UNC5B: variants seen among roughly 807,000 people sequenced by gnomAD.
The protein encoded by UNC5B is netrin receptor UNC5B.
UNC5B carries 56 observed loss-of-function variants against 103.7 expected under a neutral mutation model. The ratio of observed to expected loss-of-function variants is 0.54; its 90% CI spans 0.44 to 0.67. The LOEUF (loss-of-function observed/expected upper bound fraction) is 0.67. Ranked by LOEUF, UNC5B falls within the 30% of genes least tolerant of loss-of-function variation. The pLI, the probability that UNC5B is intolerant of heterozygous loss-of-function variation, is 0.00. For missense variants in UNC5B, 1,194 were observed against 1,284.5 expected (o/e 0.93, Z 1.08); for synonymous variants, 577 against 542.0 (o/e 1.06, Z -0.90).
chr10:71,291,971 TAG>T, intron 10 of UNC5B, 150 bp downstream of exon 10: 1 of 1,271,826 alleles, frequency 7.9e-7, no homozygotes, highest in South Asian at 1.6e-5. Flanking sequence ...GAGTATAAAA[TAG>T]AGAGGTCTGA....
chr10:71,278,019 G>A (rs1488107427), intron 1 of UNC5B, among the ~76,000 whole-genome samples: 1 of 152,182 alleles, frequency 6.6e-6, no homozygotes, highest in South Asian at 2.1e-4. Context: ...CAGCCCAAAC[G>A]CTGAAGTCTT....
rs907587606 is a variant in UNC5B, at chr10:71,299,369, T to C, written c.*92T>C. The C allele has an allele frequency of 1.3e-6, 2 of 1,501,310 alleles. No homozygotes were observed. The highest frequency in any genetic ancestry group is 2.8e-5 in the African/African-American group (2 of 72,474). 93.0% of individuals were successfully genotyped at this position (1,501,310 alleles called of 1,614,324 possible). ...CCTGATGGGGATGTTTGGCCTCTGCTTCCTCCCAGTTCACAGCCAGAGTTG... is the reference window on the plus strand; with the variant it reads ...CCTGATGGGGATGTTTGGCCTCTGCCTCCTCCCAGTTCACAGCCAGAGTTG... On this transcript the variant is annotated 3_prime_UTR_variant, in exon 17 of 17. Coordinates refer to ENST00000335350, the MANE Select transcript of UNC5B (RefSeq NM_170744.5).
At chr10:71,299,031 TCCCCTTGTG>T in intron 16 of UNC5B, 72 bp from the exon 17 acceptor site, 1 of 1,560,008 alleles carries the variant, frequency 6.4e-7, no homozygotes, top group Non-Finnish European at 8.7e-7. Context: ...CCTTCCCACT[TCCCCTTGTG>T]CCCCTTCACC....
At chr10:71,220,302 A>G (rs993871971) in intron 1 of UNC5B, among the ~76,000 whole-genome samples, 14 of 152,282 alleles carry the variant, frequency 9.2e-5, no homozygotes, top group Middle Eastern at 6.8e-3. Context: ...ATGGGGAGGT[A>G]TCTCCCTACT....
intron 1 of UNC5B, among the ~76,000 whole-genome samples, chr10:71,265,225 A>T (rs940293239): frequency 1.3e-5 from 2 of 152,108 alleles, no homozygotes; most frequent in Non-Finnish European, 2.9e-5. Flanking sequence ...TACCTGAATT[A>T]CCTGCTAGCA....
chr10:71,292,316 C>A, intron 10 of UNC5B, 151 bp from the exon 11 acceptor site: 1 of 653,182 alleles, frequency 1.5e-6, no homozygotes. Context: ...CTGCTTGCAT[C>A]CAGTCCCCAG....
In UNC5B at chr10:71,260,813, G is replaced by A. The variant is rs192354659; in HGVS notation, c.80-19008G>A. Among the ~76,000 whole-genome samples, 81 of 152,368 alleles carry A rather than the reference G, an allele frequency of 5.3e-4. 1 individual carries two copies. In the Middle Eastern group the frequency reaches 0.017, roughly 32 times the overall value. The stretch of plus-strand genomic sequence containing the variant: ...GGCCAATTGTGATGAGTGGGCAGTG[G>A]GTGGCTGGAGCCAGGTTTTCAGGCT... On this transcript the variant is annotated intron_variant, in intron 1 of 16. Transcript: ENST00000335350.
Position 71,212,984 on chromosome 10 carries a change from G to A in UNC5B, c.-2G>A. ...GAGGCGCCCGAACCAGGCCGCGGGA[G>A]CATGGGGGCCCGGAGCGGAGCTCGG... On this transcript the variant is annotated 5_prime_UTR_variant, in exon 1 of 17. Coordinates refer to ENST00000335350, the MANE Select transcript of UNC5B (RefSeq NM_170744.5). 1 of 1,382,694 alleles carries A rather than the reference G, an allele frequency of 7.2e-7. No homozygotes were observed. Among genetic ancestry groups the A allele is most frequent in the South Asian group, 1.8e-5 (1 of 56,658 alleles). 85.7% of individuals were successfully genotyped at this position (1,382,694 alleles called of 1,614,324 possible). A position where few individuals can be genotyped will look rare whatever the true frequency, so the allele number is the denominator to read the frequency against.
intron 15 of UNC5B, 102 bp from the exon 16 acceptor site, chr10:71,297,807 G>A (rs774510169): frequency 1.6e-6 from 2 of 1,283,406 alleles, no homozygotes; most frequent in Non-Finnish European, 2.1e-6. Context: ...GAGGAGGTGG[G>A]AGTGACTCAA....
At position 71,213,724 on chromosome 10, in the gene UNC5B, GGA is replaced by G. The variant is rs1436996624; in HGVS notation, c.79+664_79+665del. 4.5e-5 allele frequency among the ~76,000 whole-genome samples: 4 copies of G among 89,568 alleles called. No individual in the cohort carries two copies. Among genetic ancestry groups the G allele is most frequent in the African/African-American group, 1.8e-4 (4 of 22,072 alleles). The allele number at this position is 89,568 out of a possible 152,430, so 58.8% of individuals were successfully genotyped here. On this transcript the variant is annotated intron_variant, in intron 1 of 16. Transcript: ENST00000335350. This position sits in a 1 kb window ranked among gnomAD's most constrained non-coding sequence, Gnocchi z 4.1. ...TATTATTATTAATTTTCTGAGTGTTGGAGAGTGTGTGTGTGTGTGTGTGTGTG... is the reference window on the plus strand; with the variant it reads ...TATTATTATTAATTTTCTGAGTGTTGGAGTGTGTGTGTGTGTGTGTGTGTG...
intron 1 of UNC5B, among the ~76,000 whole-genome samples, chr10:71,237,326 G>A (rs1414226077): frequency 6.6e-6 from 1 of 152,018 alleles, no homozygotes; most frequent in Non-Finnish European, 1.5e-5. Flanking sequence ...TGTGAGCCTC[G>A]TCTTCAACCA....
In UNC5B at chr10:71,291,482, G is replaced by A. The variant is rs141795100; in HGVS notation, c.1345G>A (p.Ala449Thr). The stretch of plus-strand genomic sequence containing the variant: ...TGTGCCTCCTGACCTGACAGCCAGC[G>A]CCGGCATCTACCGCGGACCCGTGTA... ...PSVPPDLTAS[A>T]GIYRGPVYAL... Residue 449 changes from alanine (A) to threonine (T), a missense_variant, in exon 10 of 17, where the codon GCC becomes ACC. Physicochemically the swap from Ala to Thr is moderately conservative, Grantham distance 58 (BLOSUM62 0). Coordinates refer to ENST00000335350, the MANE Select transcript of UNC5B (RefSeq NM_170744.5). The A allele has an allele frequency of 1.1e-4, 181 of 1,613,734 alleles. No individual in the cohort carries two copies. In the African/African-American group the frequency reaches 1.9e-3, roughly 17 times the overall value.
chr10:71,302,089 T>A lies in UNC5B; in HGVS notation c.*2812T>A, dbSNP rs1350198538. 1 of 147,726 alleles carries A rather than the reference T, an allele frequency of 6.8e-6. No individual in the cohort carries two copies. Among genetic ancestry groups the A allele is most frequent in the Non-Finnish European group, 1.5e-5 (1 of 65,132 alleles). The allele number at this position is 147,726 out of a possible 1,614,324, so 9.2% of individuals were successfully genotyped here. The stretch of plus-strand genomic sequence containing the variant: ...TCTATGAGAAATGCCCAGAAAGGCT[T>A]TGCCGACTCCATCCGTCTGTGGAGG... On this transcript the variant is annotated 3_prime_UTR_variant, in exon 17 of 17. Coordinates refer to ENST00000335350, the MANE Select transcript of UNC5B (RefSeq NM_170744.5).
intron 1 of UNC5B, among the ~76,000 whole-genome samples, chr10:71,230,552 C>G (rs1021477036): frequency 1.4e-4 from 22 of 152,210 alleles, no homozygotes; most frequent in Non-Finnish European, 1.8e-4. Flanking sequence ...CTTCTCTCTG[C>G]CCTCCCCACC....
At chr10:71,263,558 G>C (rs1253033377) in intron 1 of UNC5B, among the ~76,000 whole-genome samples, 1 of 152,168 alleles carries the variant, frequency 6.6e-6, no homozygotes, top group African/African-American at 2.4e-5. Flanking sequence ...CCAGCCCCCA[G>C]CCCCCAGCCG....
chr10:71,234,168 G>C (rs1384320766), intron 1 of UNC5B, among the ~76,000 whole-genome samples: 1 of 152,168 alleles, frequency 6.6e-6, no homozygotes, highest in Admixed American at 6.5e-5. Flanking sequence ...GGGGGGCGGA[G>C]ATAAGGACAC....
intron 1 of UNC5B, among the ~76,000 whole-genome samples, chr10:71,270,484 C>T (rs1443940807): frequency 6.6e-6 from 1 of 152,106 alleles, no homozygotes; most frequent in African/African-American, 2.4e-5. Context: ...GGCTGTACAC[C>T]ACTAGAGGGC....
At chr10:71,267,842 T>C (rs1253562637) in intron 1 of UNC5B, among the ~76,000 whole-genome samples, 2 of 152,062 alleles carry the variant, frequency 1.3e-5, no homozygotes, top group African/African-American at 4.8e-5. Flanking sequence ...AGGGCCGGGG[T>C]CTTTCCCAGC....
At chr10:71,227,364 G>C (rs746161595) in intron 1 of UNC5B, among the ~76,000 whole-genome samples, 32 of 151,846 alleles carry the variant, frequency 2.1e-4, no homozygotes, top group Admixed American at 3.9e-4. Context: ...TGGGAGCTAA[G>C]CTATGAGGAT....
Sources: allele counts gnomAD v4.1 joint callset (sites outside exome capture counted in the v4.1 genomes callset), GRCh38; gene constraint gnomAD v4.1.1; non-coding constraint Gnocchi (gnomAD v3.1); transcripts MANE v1.5; gene names NCBI Gene and HGNC (gene_info 2026-07-23, HGNC 2026-07-21).